Variants in PTPRD observed in about 807,000 individuals in gnomAD.
PTPRD encodes the protein receptor-type tyrosine-protein phosphatase delta.
Under a neutral mutation model 214.5 loss-of-function variants are expected in PTPRD, and 34 were observed. That is an observed-to-expected ratio of 0.16 (90% CI 0.12 to 0.21). The LOEUF is 0.21. Ranked by LOEUF, PTPRD falls within the 10% of genes least tolerant of loss-of-function variation. The probability of loss-of-function intolerance (pLI) is 1.00; values close to 1 mark genes in which losing one functional copy is unlikely to be tolerated. For synonymous variants in PTPRD, 1,128 were observed against 845.7 expected (o/e 1.33, Z -5.79); for missense variants, 2,545 against 2,398.7 (o/e 1.06, Z -1.27).
intron 9 of PTPRD, among the ~76,000 whole-genome samples, chr9:9,306,729 C>T (rs960899304): frequency 5.9e-5 from 9 of 151,990 alleles, no homozygotes; most frequent in Non-Finnish European, 8.8e-5. Flanking sequence ...CATGAATTTT[C>T]TTCATATAAA....
intron 14 of PTPRD, among the ~76,000 whole-genome samples, chr9:8,547,046 A>G (rs1446066426): frequency 2.6e-5 from 4 of 152,164 alleles, no homozygotes; most frequent in African/African-American, 7.2e-5. Flanking sequence ...TTATCTTGCT[A>G]TGTGAAACAT....
intron 3 of PTPRD, among the ~76,000 whole-genome samples, chr9:10,231,139 T>C (rs756637867): frequency 6.6e-6 from 1 of 151,934 alleles, no homozygotes; most frequent in Non-Finnish European, 1.5e-5. Context: ...AGATAAATTA[T>C]AAACCAGAAG....
intron 7 of PTPRD, among the ~76,000 whole-genome samples, chr9:9,668,374 A>C (rs1594756781): frequency 1.3e-5 from 2 of 152,284 alleles, no homozygotes; most frequent in South Asian, 2.1e-4. Context: ...AATTTTTGCT[A>C]ACTGCAGTCT....
At chr9:9,169,324 A>G (rs1253183657) in intron 10 of PTPRD, among the ~76,000 whole-genome samples, 1 of 152,098 alleles carries the variant, frequency 6.6e-6, no homozygotes, top group Admixed American at 6.6e-5. Context: ...AAGTTCCTAT[A>G]CTCAGTGTTT....
At chr9:9,500,102 C>T (rs142128413) in intron 8 of PTPRD, among the ~76,000 whole-genome samples, 16 of 152,198 alleles carry the variant, frequency 1.1e-4, no homozygotes, top group African/African-American at 3.9e-4. Context: ...TACTTTTCCT[C>T]CATTTCTCAG....
At chr9:10,142,594 A>G (rs958231056) in intron 3 of PTPRD, among the ~76,000 whole-genome samples, 7 of 151,020 alleles carry the variant, frequency 4.6e-5, no homozygotes, top group Admixed American at 4.0e-4. Flanking sequence ...CACACCAGTT[A>G]GAATGGCAAT....
At chr9:10,126,390 T>C (rs2098819487) in intron 3 of PTPRD, among the ~76,000 whole-genome samples, 1 of 151,278 alleles carries the variant, frequency 6.6e-6, no homozygotes, top group Non-Finnish European at 1.5e-5. Flanking sequence ...GGTTCAGTAT[T>C]GAAATTTGAT....
chr9:9,648,651 A>T (rs2096257597), intron 7 of PTPRD, among the ~76,000 whole-genome samples: 2 of 152,242 alleles, frequency 1.3e-5, no homozygotes, highest in South Asian at 2.1e-4. Context: ...AAGGAGTTGT[A>T]GCACAAAACC....
At chr9:8,622,200 CTTAAG>C (rs1554935914) in intron 14 of PTPRD, among the ~76,000 whole-genome samples, 2 of 151,890 alleles carry the variant, frequency 1.3e-5, no homozygotes. Context: ...AAGGTAATTA[CTTAAG>C]TTTTTTTATT....
intron 9 of PTPRD, among the ~76,000 whole-genome samples, chr9:9,312,351 T>G (rs752209837): frequency 6.6e-6 from 1 of 152,160 alleles, no homozygotes; most frequent in Non-Finnish European, 1.5e-5. Context: ...ACAGGGGATT[T>G]TAAAAGTTGT....
chr9:9,459,608 C>T (rs1297134628), intron 8 of PTPRD, among the ~76,000 whole-genome samples: 1 of 151,906 alleles, frequency 6.6e-6, no homozygotes, highest in Non-Finnish European at 1.5e-5. Flanking sequence ...TTAAAACAGC[C>T]ACAAAAATAC....
chr9:9,867,661 C>T (rs1222161281), intron 5 of PTPRD, among the ~76,000 whole-genome samples: 1 of 152,070 alleles, frequency 6.6e-6, no homozygotes, highest in Admixed American at 6.6e-5. Context: ...ATATAATCTC[C>T]CCAAATCTAG....
At chr9:8,692,280 C>T (rs1408093417) in intron 12 of PTPRD, among the ~76,000 whole-genome samples, 2 of 152,190 alleles carry the variant, frequency 1.3e-5, no homozygotes, top group African/African-American at 4.8e-5. Context: ...TCATTCATGT[C>T]ACAATTTAAT....
At chr9:10,264,628 A>G (rs1196589505) in intron 3 of PTPRD, among the ~76,000 whole-genome samples, 2 of 152,166 alleles carry the variant, frequency 1.3e-5, no homozygotes, top group Non-Finnish European at 2.9e-5. Flanking sequence ...TTACAGCCTC[A>G]TAGGCCAAAG....
chr9:9,214,758 T>C (rs1410900434), intron 9 of PTPRD, among the ~76,000 whole-genome samples: 1 of 152,224 alleles, frequency 6.6e-6, no homozygotes, highest in East Asian at 1.9e-4. Context: ...TATTCATACG[T>C]ACATTTACAT....
Position 9,269,447 on chromosome 9 carries a change from T to C in PTPRD, c.-202-86084A>G, listed in dbSNP as rs528100309. On this transcript the variant is annotated intron_variant, in intron 9 of 45. Coordinates refer to ENST00000381196, the MANE Select transcript of PTPRD (RefSeq NM_002839.4). Reference sequence around the variant, plus strand: ...AGCCACTATGAAAACAATATGGAGGTTCCTCAAAAAAAATAAAAATAAGAC... The same window carrying C: ...AGCCACTATGAAAACAATATGGAGGCTCCTCAAAAAAAATAAAAATAAGAC... Among the ~76,000 whole-genome samples the C allele has an allele frequency of 2.1e-3, 270 of 128,708 alleles. 1 individual carries two copies. The highest frequency in any genetic ancestry group is 7.2e-3 in the African/African-American group (258 of 35,698). The allele number at this position is 128,708 out of a possible 152,430, so 84.4% of individuals were successfully genotyped here.
At chr9:8,431,103 T>C (rs2095019896) in intron 35 of PTPRD, among the ~76,000 whole-genome samples, 2 of 152,158 alleles carry the variant, frequency 1.3e-5, no homozygotes, top group African/African-American at 4.8e-5. Context: ...CTAAGATCTG[T>C]ATGAGTGGAC....
At chr9:9,948,388 C>T (rs769168848) in intron 4 of PTPRD, among the ~76,000 whole-genome samples, 7 of 151,966 alleles carry the variant, frequency 4.6e-5, no homozygotes, top group Non-Finnish European at 5.9e-5. Flanking sequence ...AAAATTTGGC[C>T]TCACCGTACT....
intron 6 of PTPRD, among the ~76,000 whole-genome samples, chr9:9,760,026 T>C (rs985992399): frequency 1.3e-5 from 2 of 152,174 alleles, no homozygotes; most frequent in African/African-American, 4.8e-5. Context: ...CTTAACTAGA[T>C]TGCCAAGATT....
Sources: gnomAD v4.1 joint callset for allele counts (sites outside exome capture counted in the v4.1 genomes callset) on GRCh38, gnomAD v4.1.1 for gene constraint, MANE v1.5 for transcripts, NCBI Gene and HGNC (gene_info 2026-07-23, HGNC 2026-07-21) for gene names.